MAGI2: variants seen among roughly 807,000 people sequenced by gnomAD.
MAGI2 encodes membrane-associated guanylate kinase, WW and PDZ domain-containing protein 2.
In MAGI2, 35 loss-of-function variants were observed where a neutral mutation model predicts 133.3. The observed-to-expected ratio is 0.26, with a 90% CI of 0.20 to 0.35. The LOEUF (loss-of-function observed/expected upper bound fraction) is 0.35. MAGI2 is among the 10% of genes least tolerant of loss of function. MAGI2 has a pLI of 1.00. For synonymous variants in MAGI2, 729 were observed against 710.6 expected (o/e 1.03, Z -0.41); for missense variants, 1,636 against 1,863.4 (o/e 0.88, Z 2.25).
At chr7:79,214,385 C>G (rs1330188062) in intron 1 of MAGI2, among the ~76,000 whole-genome samples, 1 of 90,310 alleles carries the variant, frequency 1.1e-5, no homozygotes, top group East Asian at 3.4e-4. Context: ...CTCTCTCTCT[C>G]TCTCTCTCTC....
intron 1 of MAGI2, among the ~76,000 whole-genome samples, chr7:79,207,346 G>GA (rs1405039517): frequency 2.0e-5 from 3 of 151,632 alleles, no homozygotes; most frequent in Non-Finnish European, 4.4e-5. Flanking sequence ...AAAAGAATTA[G>GA]AAAAAATGAA....
At chr7:78,345,610 G>T in intron 8 of MAGI2, 1 of 273,368 alleles carries the variant, frequency 3.7e-6, no homozygotes, top group Non-Finnish European at 6.9e-6. Flanking sequence ...CTTGTGCTTG[G>T]TCTTTTAAGG....
intron 1 of MAGI2, among the ~76,000 whole-genome samples, chr7:79,249,342 G>T (rs1833056665): frequency 1.3e-5 from 2 of 151,846 alleles, no homozygotes; most frequent in South Asian, 2.1e-4. Context: ...ACAAAGGTCA[G>T]CAAAGTAAGT....
At chr7:78,256,605 A>G (rs753216825) in intron 9 of MAGI2, 24 bp from the exon 10 acceptor site, 1 of 1,588,548 alleles carries the variant, frequency 6.3e-7, no homozygotes, top group South Asian at 1.1e-5. Flanking sequence ...AGAGATTGAC[A>G]ACATGAGGTA....
chr7:78,305,637 C>T (rs925223933), intron 9 of MAGI2, among the ~76,000 whole-genome samples: 1 of 152,130 alleles, frequency 6.6e-6, no homozygotes, highest in Non-Finnish European at 1.5e-5. Context: ...TAACCATGAG[C>T]TCCAACCTCC....
chr7:78,578,836 T>G (rs1400148695), intron 3 of MAGI2, among the ~76,000 whole-genome samples: 1 of 152,188 alleles, frequency 6.6e-6, no homozygotes, highest in African/African-American at 2.4e-5. Flanking sequence ...ACCTGATGCC[T>G]GAACAAAGCA....
At chr7:78,800,068 C>T (rs536727534) in intron 2 of MAGI2, among the ~76,000 whole-genome samples, 1 of 152,092 alleles carries the variant, frequency 6.6e-6, no homozygotes, top group East Asian at 1.9e-4. Context: ...TATGATTCAT[C>T]TTTCTATAGT....
At chr7:78,891,213 C>A (rs564336794) in intron 2 of MAGI2, among the ~76,000 whole-genome samples, 1 of 152,098 alleles carries the variant, frequency 6.6e-6, no homozygotes, top group African/African-American at 2.4e-5. Context: ...CAATAACAGG[C>A]TCTGAAATTG....
At chr7:79,211,435 C>T (rs115578946) in intron 1 of MAGI2, among the ~76,000 whole-genome samples, 16 of 151,560 alleles carry the variant, frequency 1.1e-4, no homozygotes, top group Admixed American at 2.6e-4. Context: ...CCACTATGTC[C>T]GGCTAATTAT....
chr7:79,388,675 G>GA (rs1375406953), intron 1 of MAGI2, among the ~76,000 whole-genome samples: 1 of 151,616 alleles, frequency 6.6e-6, no homozygotes, highest in Non-Finnish European at 1.5e-5. Flanking sequence ...TGATTTCACA[G>GA]AGTGGGAGGT....
At chr7:78,414,181 C>T (rs1001601382) in intron 6 of MAGI2, among the ~76,000 whole-genome samples, 47 of 151,560 alleles carry the variant, frequency 3.1e-4, no homozygotes, top group African/African-American at 8.7e-4. Flanking sequence ...AAGTTGGCAA[C>T]GACATAAATG....
At position 78,846,809 on chromosome 7, in the gene MAGI2, A is replaced by C. The variant is rs140061724; in HGVS notation, c.418+160281T>G. Among the ~76,000 whole-genome samples, 904 of 152,098 alleles carry C rather than the reference A, an allele frequency of 5.9e-3. 11 individuals carry two copies. Among genetic ancestry groups the C allele is most frequent in the African/African-American group, 0.02 (838 of 41,534 alleles). On this transcript the variant is annotated intron_variant, in intron 2 of 21. Coordinates refer to ENST00000354212, the MANE Select transcript of MAGI2 (RefSeq NM_012301.4). ...ATATTTATATCAGTAATAGTGGCTC[A>C]GGAAAGTACTGAAACTCTATGGGAT... is the stretch of plus-strand genomic sequence containing the variant.
At chr7:79,433,294 G>C (rs1204273706) in intron 1 of MAGI2, among the ~76,000 whole-genome samples, 1 of 152,144 alleles carries the variant, frequency 6.6e-6, no homozygotes, top group East Asian at 1.9e-4. Context: ...GCTCAGGCCT[G>C]TAATCCCAGC....
intron 2 of MAGI2, among the ~76,000 whole-genome samples, chr7:78,757,070 T>C (rs1022767830): frequency 6.6e-6 from 1 of 152,176 alleles, no homozygotes; most frequent in African/African-American, 2.4e-5. Context: ...TGCTTCCTTC[T>C]TCACAGAGAA....
At chr7:78,896,272 A>T (rs1797205853) in intron 2 of MAGI2, among the ~76,000 whole-genome samples, 1 of 151,898 alleles carries the variant, frequency 6.6e-6, no homozygotes, top group African/African-American at 2.4e-5. Flanking sequence ...TGTACTTGAA[A>T]CTATCTTTAG....
chr7:79,377,963 T>C (rs1843491694), intron 1 of MAGI2, among the ~76,000 whole-genome samples: 1 of 151,864 alleles, frequency 6.6e-6, no homozygotes, highest in Admixed American at 6.6e-5. Flanking sequence ...AAAAATACAG[T>C]TCATTAAGCT....
chr7:78,859,743 C>T (rs1425083590), intron 2 of MAGI2, among the ~76,000 whole-genome samples: 1 of 152,102 alleles, frequency 6.6e-6, no homozygotes, highest in Non-Finnish European at 1.5e-5. Flanking sequence ...TGAGGAGTAT[C>T]TTCATGGCGT....
chr7:78,563,775 GTT>G (rs528193013), intron 3 of MAGI2, among the ~76,000 whole-genome samples: 28 of 152,124 alleles, frequency 1.8e-4, no homozygotes, highest in Admixed American at 3.3e-4. Flanking sequence ...ATCTCCACAG[GTT>G]CAGAGTTACT....
At chr7:78,188,494 T>C (rs956448399) in intron 12 of MAGI2, among the ~76,000 whole-genome samples, 4 of 152,226 alleles carry the variant, frequency 2.6e-5, no homozygotes, top group Non-Finnish European at 4.4e-5. Flanking sequence ...ACATTTAAAA[T>C]GATAACATTG....
Sources: gnomAD v4.1 joint callset for allele counts (sites outside exome capture counted in the v4.1 genomes callset) on GRCh38, gnomAD v4.1.1 for gene constraint, MANE v1.5 for transcripts, NCBI Gene and HGNC (gene_info 2026-07-23, HGNC 2026-07-21) for gene names.